The following UNC5C variants were observed in gnomAD, a reference collection of about 807,000 sequenced individuals.
UNC5C encodes netrin receptor UNC5C.
In UNC5C, 47 loss-of-function variants were observed where a neutral mutation model predicts 99.8. The observed-to-expected ratio is 0.47, with a 90% CI of 0.37 to 0.60. The LOEUF is 0.60. Among genes scored for constraint, UNC5C ranks in the 20% least tolerant of loss-of-function variants. The pLI is 0.00. For missense variants in UNC5C, 1,062 were observed against 1,165.9 expected (o/e 0.91, Z 1.30); for synonymous variants, 487 against 452.2 (o/e 1.08, Z -0.98).
chr4:95,264,792 ATCTTC>A (rs1261154380), intron 4 of UNC5C, among the ~76,000 whole-genome samples: 2 of 152,196 alleles, frequency 1.3e-5, no homozygotes, highest in Non-Finnish European at 2.9e-5. Flanking sequence ...ATCCAAAGGC[ATCTTC>A]TCTTCTCTAT....
intron 6 of UNC5C, among the ~76,000 whole-genome samples, chr4:95,243,703 A>T (rs13120458): frequency 0.16 from 23,859 of 152,190 alleles, 2,377 homozygotes; most frequent in South Asian, 0.27. Context: ...ATGGTTATAA[A>T]CATACCCACA....
At chr4:95,369,617 G>A (rs17023631) in intron 1 of UNC5C, among the ~76,000 whole-genome samples, 421 of 152,194 alleles carry the variant, frequency 2.8e-3, no homozygotes, top group African/African-American at 9.7e-3. Context: ...CTTAATAACT[G>A]CATCCAGTAG....
At chr4:95,472,545 C>T (rs545082484) in intron 1 of UNC5C, among the ~76,000 whole-genome samples, 17 of 152,056 alleles carry the variant, frequency 1.1e-4, no homozygotes, top group African/African-American at 3.9e-4. Context: ...ACATGAAAAC[C>T]GAGGTAAAAA....
chr4:95,219,961 G>A (rs201470037), intron 8 of UNC5C, 24 bp downstream of exon 8: 1 of 1,606,584 alleles, frequency 6.2e-7, no homozygotes, highest in Non-Finnish European at 8.5e-7. Context: ...AAGTAACAGG[G>A]TGTGAAGTGG....
intron 4 of UNC5C, among the ~76,000 whole-genome samples, chr4:95,257,772 C>G (rs1012682644): frequency 6.6e-6 from 1 of 152,110 alleles, no homozygotes; most frequent in African/African-American, 2.4e-5. Flanking sequence ...TAAAAATAAC[C>G]CTGAGGACTT....
At chr4:95,436,127 T>A (rs1746777776) in intron 1 of UNC5C, among the ~76,000 whole-genome samples, 1 of 151,760 alleles carries the variant, frequency 6.6e-6, no homozygotes, top group Non-Finnish European at 1.5e-5. Context: ...TATCCACAGA[T>A]TACCCATTTT....
rs147404591 is a variant in UNC5C, at chr4:95,369,101, C to G, written c.125-33470G>C. Among the ~76,000 whole-genome samples the G allele has an allele frequency of 2.0e-3, 308 of 152,074 alleles. 2 individuals are homozygous for G. The highest frequency in any genetic ancestry group is 7.1e-3 in the African/African-American group (293 of 41,508). ...CCTTAACTCCTGGCCTCAAGGGATC[C>G]TCCCACCTCGGCCTCCCAAAGTGCT... On this transcript the variant is annotated intron_variant, in intron 1 of 15. Transcript: ENST00000453304.
At chr4:95,333,663 T>C (rs1453780581) in intron 2 of UNC5C, among the ~76,000 whole-genome samples, 1 of 152,120 alleles carries the variant, frequency 6.6e-6, no homozygotes, top group Non-Finnish European at 1.5e-5. Context: ...ATGGCACATG[T>C]ATACATATGT....
intron 1 of UNC5C, among the ~76,000 whole-genome samples, chr4:95,367,594 A>G (rs1174796973): frequency 1.3e-5 from 2 of 152,024 alleles, no homozygotes; most frequent in African/African-American, 4.8e-5. Context: ...AAATGTGATC[A>G]CCTCTTCTCT....
intron 2 of UNC5C, among the ~76,000 whole-genome samples, chr4:95,320,278 C>T (rs1014232709): frequency 6.6e-6 from 1 of 151,630 alleles, no homozygotes; most frequent in African/African-American, 2.4e-5. Context: ...AAAAATTAGC[C>T]CAGTGTGGTG....
intron 8 of UNC5C, 97 bp downstream of exon 8, chr4:95,219,888 G>T: frequency 7.6e-7 from 1 of 1,318,328 alleles, no homozygotes; most frequent in Non-Finnish European, 1.0e-6. Context: ...TCTTCATGGA[G>T]CTTACATTCT....
At chr4:95,351,755 T>A (rs907502643) in intron 1 of UNC5C, among the ~76,000 whole-genome samples, 1 of 152,126 alleles carries the variant, frequency 6.6e-6, no homozygotes, top group Non-Finnish European at 1.5e-5. Context: ...CCATGAGATG[T>A]GTAGAGCCTT....
intron 1 of UNC5C, among the ~76,000 whole-genome samples, chr4:95,402,582 T>C (rs1006525701): frequency 2.0e-5 from 3 of 152,228 alleles, no homozygotes; most frequent in African/African-American, 7.2e-5. Flanking sequence ...TTATGGCACC[T>C]TAGTGTTACA....
chr4:95,265,144 A>G (rs1472478125), intron 4 of UNC5C, among the ~76,000 whole-genome samples: 3 of 152,174 alleles, frequency 2.0e-5, no homozygotes, highest in Non-Finnish European at 2.9e-5. Flanking sequence ...CAGGTTTGAG[A>G]ATGAGATATG....
chr4:95,424,890 A>T (rs1298786290), intron 1 of UNC5C, among the ~76,000 whole-genome samples: 1 of 151,914 alleles, frequency 6.6e-6, no homozygotes, highest in African/African-American at 2.4e-5. Flanking sequence ...TCCTAACTTA[A>T]ATTCAAACCC....
chr4:95,377,928 T>C (rs1158034299), intron 1 of UNC5C, among the ~76,000 whole-genome samples: 2 of 152,198 alleles, frequency 1.3e-5, no homozygotes, highest in Non-Finnish European at 2.9e-5. Flanking sequence ...GATAACTGAC[T>C]TGCTTTAAAT....
intron 1 of UNC5C, among the ~76,000 whole-genome samples, chr4:95,472,743 C>T (rs547295084): frequency 1.1e-4 from 17 of 152,080 alleles, no homozygotes; most frequent in Admixed American, 9.2e-4. Context: ...ATCTGACAAT[C>T]GTTTCAGATT....
chr4:95,342,839 T>C (rs951450018), intron 1 of UNC5C, among the ~76,000 whole-genome samples: 2 of 151,744 alleles, frequency 1.3e-5, no homozygotes, highest in African/African-American at 4.8e-5. Context: ...TGAAGAGCCC[T>C]TGGGCCTTAA....
chr4:95,494,422 A>C (rs1389772744), intron 1 of UNC5C, among the ~76,000 whole-genome samples: 1 of 151,430 alleles, frequency 6.6e-6, no homozygotes, highest in Non-Finnish European at 1.5e-5. Context: ...GGAAAATTAG[A>C]CCAAGAGGCC....
Sources: allele counts gnomAD v4.1 joint callset (sites outside exome capture counted in the v4.1 genomes callset), GRCh38; gene constraint gnomAD v4.1.1; transcripts MANE v1.5; gene names NCBI Gene and HGNC (gene_info 2026-07-23, HGNC 2026-07-21).